Variants in CHSY1 observed in about 807,000 individuals in gnomAD.
CHSY1 encodes the protein N-acetylgalactosaminyl-proteoglycan 3-beta-glucuronosyltransferase 1.
CHSY1 carries 13 observed loss-of-function variants against 59.8 expected under a neutral mutation model. That is an observed-to-expected ratio of 0.22 (90% CI 0.14 to 0.35). The LOEUF (loss-of-function observed/expected upper bound fraction) is 0.35. Among genes scored for constraint, CHSY1 ranks in the 10% least tolerant of loss-of-function variants. CHSY1 has a pLI of 1.00. For synonymous variants in CHSY1, 459 were observed against 401.2 expected (o/e 1.14, Z -1.72); for missense variants, 947 against 1,030.6 (o/e 0.92, Z 1.11).
intron 2 of CHSY1, among the ~76,000 whole-genome samples, chr15:101,191,599 A>G (rs915551768): frequency 6.6e-6 from 1 of 152,182 alleles, no homozygotes; most frequent in Non-Finnish European, 1.5e-5. Context: ...CTGTAGGTTC[A>G]CCAATTGTAA....
intron 1 of CHSY1, among the ~76,000 whole-genome samples, chr15:101,238,588 G>A (rs1028026724): frequency 1.3e-5 from 2 of 152,072 alleles, no homozygotes; most frequent in African/African-American, 4.8e-5. Flanking sequence ...ATCCCATGAC[G>A]CCGGTAACTA....
intron 2 of CHSY1, among the ~76,000 whole-genome samples, chr15:101,211,645 T>C (rs976277630): frequency 6.6e-5 from 10 of 151,924 alleles, no homozygotes; most frequent in African/African-American, 2.2e-4. Flanking sequence ...ACAAAGACAG[T>C]ATAACTGGGC....
intron 2 of CHSY1, among the ~76,000 whole-genome samples, 193 bp from the exon 3 acceptor site, chr15:101,179,173 A>C (rs1453808178): frequency 2.0e-5 from 3 of 152,244 alleles, no homozygotes; most frequent in African/African-American, 7.2e-5. Flanking sequence ...TAAGGAAGTA[A>C]GGGTTAATAA....
chr15:101,233,630 A>G (rs2038912545), intron 2 of CHSY1, among the ~76,000 whole-genome samples: 1 of 152,136 alleles, frequency 6.6e-6, no homozygotes, highest in South Asian at 2.1e-4. Context: ...GCTGTCCCCT[A>G]TGTGCTGGGG....
At position 101,191,981 on chromosome 15, in the gene CHSY1, T is replaced by A. The variant is rs572045689; in HGVS notation, c.817-13001A>T. ...CTTTGTGGAAAGAGGTAGGTGGAAA[T>A]AAAATGCAAGTAATTAATAATTAAC... On this transcript the variant is annotated intron_variant, in intron 2 of 2. Coordinates refer to ENST00000254190, the MANE Select transcript of CHSY1 (RefSeq NM_014918.5). 3.3e-5 allele frequency among the ~76,000 whole-genome samples: 5 copies of A among 152,124 alleles called. 1 individual carries two copies. In the East Asian group the frequency reaches 9.7e-4, roughly 29 times the overall value.
chr15:101,245,115 C>T (rs1190701907), intron 1 of CHSY1, among the ~76,000 whole-genome samples: 1 of 152,214 alleles, frequency 6.6e-6, no homozygotes, highest in Admixed American at 6.5e-5. Flanking sequence ...TTCCAAAACA[C>T]ACATCCCATC....
chr15:101,242,927 G>GA (rs769711639), intron 1 of CHSY1, among the ~76,000 whole-genome samples: 252 of 152,328 alleles, frequency 1.7e-3, no homozygotes, highest in Non-Finnish European at 1.7e-3. Flanking sequence ...AAGGAGGTGG[G>GA]AAAATGTAAC....
chr15:101,227,864 ATACAC>A (rs936276906), intron 2 of CHSY1, among the ~76,000 whole-genome samples: 86 of 152,350 alleles, frequency 5.6e-4, no homozygotes, highest in African/African-American at 2.0e-3. Flanking sequence ...TACAAAAAAA[ATACAC>A]TGTACGGAAC....
At chr15:101,192,697 T>TCTCACAGATTCTTTCCATA (rs61088779) in intron 2 of CHSY1, among the ~76,000 whole-genome samples, 1 of 151,866 alleles carries the variant, frequency 6.6e-6, no homozygotes, top group African/African-American at 2.4e-5. Flanking sequence ...TGAAGGCAGG[T>TCTCACAGATTCTTTCCATA]CTCACAGCAC....
intron 1 of CHSY1, among the ~76,000 whole-genome samples, chr15:101,244,463 G>A (rs2039032166): frequency 1.3e-5 from 2 of 152,214 alleles, no homozygotes; most frequent in African/African-American, 4.8e-5. Context: ...CTCCACACCA[G>A]CAGCCTAACG....
intron 2 of CHSY1, among the ~76,000 whole-genome samples, chr15:101,218,469 G>A (rs1367289589): frequency 6.6e-6 from 1 of 152,162 alleles, no homozygotes; most frequent in African/African-American, 2.4e-5. Context: ...GTGGTGGTGT[G>A]TGCCTGTATC....
At chr15:101,189,154 G>C (rs1049838695) in intron 2 of CHSY1, among the ~76,000 whole-genome samples, 36 of 152,312 alleles carry the variant, frequency 2.4e-4, no homozygotes, top group African/African-American at 8.4e-4. Context: ...GGCGAGCGTG[G>C]CGGGCGAAAG....
intron 2 of CHSY1, among the ~76,000 whole-genome samples, chr15:101,218,622 AC>A (rs1350776662): frequency 2.0e-5 from 3 of 152,152 alleles, no homozygotes; most frequent in Admixed American, 6.5e-5. Flanking sequence ...AGTTAAACTT[AC>A]GTTAAAACAG....
intron 2 of CHSY1, among the ~76,000 whole-genome samples, chr15:101,199,367 G>C (rs2038545650): frequency 6.6e-6 from 1 of 152,188 alleles, no homozygotes; most frequent in Non-Finnish European, 1.5e-5. Flanking sequence ...GCCGGGCGTG[G>C]TAGCACGCGC....
Position 101,199,481 on chromosome 15 carries a change from C to A in CHSY1, c.817-20501G>T, listed in dbSNP as rs141770538. On this transcript the variant is annotated intron_variant, in intron 2 of 2. Transcript: ENST00000254190. The stretch of plus-strand genomic sequence containing the variant: ...TTGTGCTACTGCACTCCAGCCTGGG[C>A]GGCAGGGTGAGACTCCGTCTCAAAA... 9.7e-3 allele frequency among the ~76,000 whole-genome samples: 1,481 copies of A among 152,216 alleles called. 9 individuals carry two copies. The highest frequency in any genetic ancestry group is 0.016 in the Non-Finnish European group (1,061 of 68,012).
At position 101,178,687 on chromosome 15, in the gene CHSY1, T is replaced by C; in HGVS notation, c.1110A>G (p.Arg370=). The change falls in exon 3 of 3, where the codon CGA becomes CGG. Residue 370 remains arginine, a synonymous_variant. Transcript: ENST00000254190. Reference sequence around the variant, plus strand: ...GAAACTCCCATTCCAGAATCTCCTCTCGCTGGCGGGGCTGAAACCTCATGA... The same window carrying C: ...GAAACTCCCATTCCAGAATCTCCTCCCGCTGGCGGGGCTGAAACCTCATGA... ...PSFMRFQPRQ[R]EEILEWEFLT... is the part of the protein sequence containing the mutation. 6.2e-7 allele frequency: 1 copy of C among 1,614,216 alleles called. No individual in the cohort carries two copies. The highest frequency in any genetic ancestry group is 8.5e-7 in the Non-Finnish European group (1 of 1,180,042).
intron 2 of CHSY1, among the ~76,000 whole-genome samples, chr15:101,230,154 C>T (rs530641458): frequency 1.3e-5 from 2 of 152,126 alleles, no homozygotes; most frequent in East Asian, 3.9e-4. Flanking sequence ...GTTGGCCAGG[C>T]TGGTCTTGAA....
intron 2 of CHSY1, among the ~76,000 whole-genome samples, chr15:101,184,481 TG>T (rs1185344648): frequency 1.3e-5 from 2 of 151,718 alleles, no homozygotes; most frequent in African/African-American, 4.8e-5. Context: ...CCCAGGGAGC[TG>T]GAACTATAAG....
rs141561384 is a variant in CHSY1, at chr15:101,221,563, A to C, written c.816+13519T>G. ...GATATTCAATATCCATGCTCACTTT[A>C]CCCTAATAAAGTAACCAGAATTCTA... On this transcript the variant is annotated intron_variant, in intron 2 of 2. Coordinates refer to ENST00000254190, the MANE Select transcript of CHSY1 (RefSeq NM_014918.5). Among the ~76,000 whole-genome samples, 666 of 152,306 alleles carry C rather than the reference A, an allele frequency of 4.4e-3. 4 individuals carry two copies. Among genetic ancestry groups the C allele is most frequent in the African/African-American group, 0.014 (599 of 41,558 alleles).
Sources: allele counts gnomAD v4.1 joint callset (sites outside exome capture counted in the v4.1 genomes callset), GRCh38; gene constraint gnomAD v4.1.1; transcripts MANE v1.5; gene names NCBI Gene and HGNC (gene_info 2026-07-23, HGNC 2026-07-21).